OSBPL10: variants seen among roughly 807,000 people sequenced by gnomAD.
OSBPL10 encodes oxysterol-binding protein-related protein 10.
OSBPL10 carries 49 observed loss-of-function variants against 81.7 expected under a neutral mutation model. The ratio of observed to expected loss-of-function variants is 0.60; its 90% CI spans 0.48 to 0.76. The LOEUF (loss-of-function observed/expected upper bound fraction) is 0.76. Among genes scored for constraint, OSBPL10 ranks in the 30% least tolerant of loss-of-function variants. OSBPL10 has a pLI of 0.00. For missense variants in OSBPL10, 923 were observed against 987.8 expected (o/e 0.93, Z 0.88); for synonymous variants, 419 against 383.6 (o/e 1.09, Z -1.08).
chr3:31,853,561 G>C (rs1700823540), intron 3 of OSBPL10, among the ~76,000 whole-genome samples: 1 of 152,154 alleles, frequency 6.6e-6, no homozygotes, highest in African/African-American at 2.4e-5. Flanking sequence ...AAGGAAGAAA[G>C]GATCGATGCT....
At chr3:31,734,026 A>G (rs987501388) in intron 5 of OSBPL10, among the ~76,000 whole-genome samples, 1 of 152,070 alleles carries the variant, frequency 6.6e-6, no homozygotes, top group African/African-American at 2.4e-5. Flanking sequence ...GAAAAAAAAA[A>G]TTCTAAATAT....
At chr3:31,740,552 A>C (rs1304209160) in intron 5 of OSBPL10, among the ~76,000 whole-genome samples, 2 of 149,882 alleles carry the variant, frequency 1.3e-5, no homozygotes, top group Non-Finnish European at 2.9e-5. Flanking sequence ...CATTAAAGAA[A>C]AGATTCAAAA....
chr3:31,830,006 G>A (rs2125528175), intron 4 of OSBPL10, 34 bp downstream of exon 4: 1 of 1,577,754 alleles, frequency 6.3e-7, no homozygotes, highest in Non-Finnish European at 8.6e-7. Flanking sequence ...CAACTCCCCG[G>A]GGCTGCTTAA....
intron 5 of OSBPL10, among the ~76,000 whole-genome samples, chr3:31,742,815 C>T (rs889024874): frequency 1.3e-5 from 2 of 152,122 alleles, no homozygotes; most frequent in African/African-American, 4.8e-5. Context: ...AAAGCCCAGG[C>T]TCCCAAAGAG....
upstream of OSBPL10, among the ~76,000 whole-genome samples, chr3:31,982,273 A>AT (rs1231624557): frequency 6.6e-6 from 1 of 152,180 alleles, no homozygotes; most frequent in Non-Finnish European, 1.5e-5. Flanking sequence ...TCCCACTAAT[A>AT]TTTTTTGTGA....
intron 1 of OSBPL10, among the ~76,000 whole-genome samples, chr3:31,957,808 T>A (rs74644852): frequency 0.013 from 1,926 of 152,236 alleles, 45 homozygotes; most frequent in East Asian, 0.11. Flanking sequence ...GCCTGACTAA[T>A]TTTTGTATTT....
intron 6 of OSBPL10, among the ~76,000 whole-genome samples, chr3:31,724,156 A>G (rs990600589): frequency 6.6e-5 from 10 of 152,168 alleles, no homozygotes; most frequent in African/African-American, 2.2e-4. Flanking sequence ...AGAAAAGGGG[A>G]AGGAGGAGGG....
intron 3 of OSBPL10, among the ~76,000 whole-genome samples, chr3:31,843,470 A>G (rs1332337315): frequency 6.6e-6 from 1 of 151,276 alleles, no homozygotes; most frequent in African/African-American, 2.4e-5. Flanking sequence ...TCCTTATTCT[A>G]CTCTTCCGGG....
At chr3:31,768,843 A>G (rs1420965111) in intron 4 of OSBPL10, among the ~76,000 whole-genome samples, 7 of 152,206 alleles carry the variant, frequency 4.6e-5, no homozygotes. Context: ...TTTATTTCAC[A>G]AACAATTTCC....
At chr3:31,838,285 C>T (rs1700408401) in intron 3 of OSBPL10, among the ~76,000 whole-genome samples, 1 of 151,926 alleles carries the variant, frequency 6.6e-6, no homozygotes. Context: ...CTGAGGTGGG[C>T]GGATCATGAG....
At chr3:31,812,793 A>G (rs936575311) in intron 4 of OSBPL10, among the ~76,000 whole-genome samples, 1 of 53,062 alleles carries the variant, frequency 1.9e-5, no homozygotes, top group Admixed American at 2.5e-4. Context: ...AAAGAAAGAA[A>G]GAAAGAAAGA....
At chr3:31,842,095 G>C (rs750547003) in intron 3 of OSBPL10, among the ~76,000 whole-genome samples, 2 of 152,152 alleles carry the variant, frequency 1.3e-5, no homozygotes, top group African/African-American at 2.4e-5. Context: ...GCAGAAACTC[G>C]AGCAGCAAGC....
chr3:31,870,191 G>A lies in OSBPL10; in HGVS notation c.537+6242C>T, dbSNP rs372756346. ...CCAGCTGGAGTTCCAGGTGGGCGTG[G>A]GCTTGGAGGGCCCCGCACTCCGAGC... On this transcript the variant is annotated intron_variant, in intron 3 of 11. Transcript: ENST00000396556. Among the ~76,000 whole-genome samples, 182 of 152,366 alleles carry A rather than the reference G, an allele frequency of 1.2e-3. 1 individual carries two copies. The highest frequency in any genetic ancestry group is 3.6e-3 in the African/African-American group (149 of 41,592).
chr3:31,975,174 T>G (rs1486375242), intron 1 of OSBPL10, among the ~76,000 whole-genome samples: 3 of 152,168 alleles, frequency 2.0e-5, no homozygotes, highest in Non-Finnish European at 4.4e-5. Flanking sequence ...TTATACAGTG[T>G]TTTGTAACCT....
intron 2 of OSBPL10, among the ~76,000 whole-genome samples, chr3:32,041,118 C>T (rs537046007): frequency 3.7e-4 from 56 of 152,188 alleles, no homozygotes; most frequent in Middle Eastern, 3.4e-3. Context: ...CAGCTTCCTC[C>T]GTGCCACATA....
At chr3:31,824,580 C>T (rs1404489470) in intron 4 of OSBPL10, among the ~76,000 whole-genome samples, 2 of 152,170 alleles carry the variant, frequency 1.3e-5, no homozygotes, top group Non-Finnish European at 2.9e-5. Context: ...AAGATCAGAT[C>T]TCAAGTTGAT....
At chr3:31,900,371 C>T (rs1277854597) in intron 1 of OSBPL10, among the ~76,000 whole-genome samples, 2 of 152,072 alleles carry the variant, frequency 1.3e-5, no homozygotes, top group African/African-American at 2.4e-5. Context: ...ATATCATTGC[C>T]CCTTCTTGTT....
At chr3:31,888,618 G>GA (rs1056423742) in intron 1 of OSBPL10, among the ~76,000 whole-genome samples, 8 of 151,464 alleles carry the variant, frequency 5.3e-5, no homozygotes, top group Admixed American at 1.3e-4. Flanking sequence ...AAACAACAGC[G>GA]AAAAAAAACC....
At chr3:31,925,582 G>A (rs538738604) in intron 1 of OSBPL10, among the ~76,000 whole-genome samples, 1 of 151,960 alleles carries the variant, frequency 6.6e-6, no homozygotes, top group East Asian at 1.9e-4. Flanking sequence ...GGAGGCCAAC[G>A]TGGGGAGATC....
Sources: gnomAD v4.1 joint callset for allele counts (sites outside exome capture counted in the v4.1 genomes callset) on GRCh38, gnomAD v4.1.1 for gene constraint, MANE v1.5 for transcripts, NCBI Gene and HGNC (gene_info 2026-07-23, HGNC 2026-07-21) for gene names.